The following ACTL8 variants were observed in gnomAD, a reference collection of about 807,000 sequenced individuals.
The protein encoded by ACTL8 is actin-like protein 8.
A neutral mutation model predicts 9.3 loss-of-function variants in ACTL8; 3 were observed. The observed-to-expected ratio is 0.32, with a 90% CI of 0.15 to 0.83. The LOEUF (loss-of-function observed/expected upper bound fraction) is 0.83. ACTL8 is among the 40% of genes least tolerant of loss of function. The probability of loss-of-function intolerance (pLI) is 0.57; values close to 1 mark genes in which losing one functional copy is unlikely to be tolerated. For synonymous variants in ACTL8, 224 were observed against 205.9 expected (o/e 1.09, Z -0.75); for missense variants, 381 against 492.2 (o/e 0.77, Z 2.14).
intron 1 of ACTL8, among the ~76,000 whole-genome samples, chr1:17,793,418 G>A (rs1052841816): frequency 3.3e-5 from 5 of 152,174 alleles, no homozygotes; most frequent in African/African-American, 1.2e-4. Context: ...GTAAAACCAG[G>A]ATATGGTTTT....
Position 17,785,196 on chromosome 1 carries a change from T to A in ACTL8, c.-25+29692T>A, listed in dbSNP as rs916213006. Among the ~76,000 whole-genome samples, 8 of 152,334 alleles carry A rather than the reference T, an allele frequency of 5.3e-5. No homozygotes were observed. In the East Asian group the frequency reaches 5.8e-4, roughly 11 times the overall value. On this transcript the variant is annotated intron_variant, in intron 1 of 2. Coordinates refer to ENST00000375406, the MANE Select transcript of ACTL8 (RefSeq NM_030812.3). ...TCAGGTACCCAGAAGAGCCAGTCTA[T>A]ATGATTGTTGGGCTACTTACTAGTT...
intron 1 of ACTL8, among the ~76,000 whole-genome samples, chr1:17,800,038 T>C (rs1332317389): frequency 6.6e-6 from 1 of 152,244 alleles, no homozygotes; most frequent in Non-Finnish European, 1.5e-5. Flanking sequence ...AGTTTTGCTC[T>C]TCTTTTTCAT....
intron 1 of ACTL8, among the ~76,000 whole-genome samples, chr1:17,770,523 G>C (rs1008389043): frequency 1.3e-5 from 2 of 152,160 alleles, no homozygotes; most frequent in Admixed American, 6.5e-5. Flanking sequence ...GAGGGTGTTC[G>C]TGGATTAGTT....
At chr1:17,788,210 C>A (rs937668823) in intron 1 of ACTL8, among the ~76,000 whole-genome samples, 2 of 152,170 alleles carry the variant, frequency 1.3e-5, no homozygotes, top group African/African-American at 2.4e-5. Context: ...TTTATGATAT[C>A]CTTTGCTATG....
chr1:17,822,330 C>T (rs944593821), intron 1 of ACTL8, among the ~76,000 whole-genome samples: 17 of 152,122 alleles, frequency 1.1e-4, no homozygotes, highest in African/African-American at 4.1e-4. Flanking sequence ...TAAATGAGTC[C>T]ATGTATCAAG....
intron 1 of ACTL8, among the ~76,000 whole-genome samples, chr1:17,796,952 C>G (rs1255403326): frequency 6.6e-6 from 1 of 152,224 alleles, no homozygotes. Flanking sequence ...GAAGTCTGCT[C>G]TCTGCTCTGG....
At chr1:17,799,279 G>C (rs913488058) in intron 1 of ACTL8, among the ~76,000 whole-genome samples, 4 of 152,182 alleles carry the variant, frequency 2.6e-5, no homozygotes, top group African/African-American at 7.2e-5. Context: ...ATCTGTGCCA[G>C]CACCTGTTGG....
intron 1 of ACTL8, among the ~76,000 whole-genome samples, chr1:17,772,058 G>A (rs1977251): frequency 0.1 from 15,921 of 152,082 alleles, 1,686 homozygotes; most frequent in East Asian, 0.28. Context: ...GCTAACCTTC[G>A]CTGTGGACCT....
At chr1:17,780,946 A>G (rs1216659404) in intron 1 of ACTL8, among the ~76,000 whole-genome samples, 2 of 152,178 alleles carry the variant, frequency 1.3e-5, no homozygotes, top group Admixed American at 6.5e-5. Context: ...TTTGGTTGCC[A>G]TAACAAATGA....
At chr1:17,806,088 T>C (rs578101524) in intron 1 of ACTL8, among the ~76,000 whole-genome samples, 1 of 152,348 alleles carries the variant, frequency 6.6e-6, no homozygotes, top group East Asian at 1.9e-4. Context: ...GCCAGGATCT[T>C]ATTAGCCCTG....
chr1:17,787,424 C>T (rs1014843125), intron 1 of ACTL8, among the ~76,000 whole-genome samples: 2 of 152,128 alleles, frequency 1.3e-5, no homozygotes, highest in Admixed American at 1.3e-4. Flanking sequence ...CCACCACGCC[C>T]AGCTAAATTT....
intron 1 of ACTL8, among the ~76,000 whole-genome samples, chr1:17,816,184 C>G (rs1177833209): frequency 1.3e-5 from 2 of 149,512 alleles, no homozygotes; most frequent in Admixed American, 6.8e-5. Context: ...TGCAATAGAA[C>G]TCAAAATATT....
At chr1:17,757,551 C>G (rs1364995735) in intron 1 of ACTL8, among the ~76,000 whole-genome samples, 1 of 124,106 alleles carries the variant, frequency 8.1e-6, no homozygotes, top group Non-Finnish European at 1.6e-5. Context: ...ACTGCTTTTT[C>G]TCTGTTAAGA....
intron 1 of ACTL8, among the ~76,000 whole-genome samples, chr1:17,791,550 C>T (rs2066239398): frequency 6.6e-6 from 1 of 152,214 alleles, no homozygotes; most frequent in Non-Finnish European, 1.5e-5. Context: ...CTGGTGGTGG[C>T]TCTGAGGTCT....
intron 1 of ACTL8, among the ~76,000 whole-genome samples, chr1:17,768,350 G>A (rs1361148813): frequency 6.6e-6 from 1 of 152,204 alleles, no homozygotes; most frequent in Non-Finnish European, 1.5e-5. Context: ...GCCTGGCCTG[G>A]CAGTGTGCAG....
intron 1 of ACTL8, among the ~76,000 whole-genome samples, chr1:17,795,023 T>C (rs1428566390): frequency 1.3e-5 from 2 of 152,238 alleles, no homozygotes; most frequent in Admixed American, 1.3e-4. Flanking sequence ...ATGAGAGGCT[T>C]AAACAATCCA....
chr1:17,762,785 C>A (rs921024125), intron 1 of ACTL8, among the ~76,000 whole-genome samples: 3 of 152,112 alleles, frequency 2.0e-5, no homozygotes, highest in African/African-American at 7.2e-5. Context: ...AGGCCTTGTT[C>A]CCCGGTGACT....
chr1:17,821,596 C>T (rs1038455418), intron 1 of ACTL8, among the ~76,000 whole-genome samples: 19 of 151,760 alleles, frequency 1.3e-4, no homozygotes, highest in African/African-American at 4.6e-4. Flanking sequence ...TATTTCTGGA[C>T]TTTCTGTTCC....
intron 1 of ACTL8, among the ~76,000 whole-genome samples, chr1:17,806,431 C>T (rs761500796): frequency 2.6e-5 from 4 of 152,220 alleles, no homozygotes; most frequent in Admixed American, 6.5e-5. Flanking sequence ...GTACAGCCCT[C>T]CCTGAACCCG....
Sources: gnomAD v4.1 joint callset for allele counts (sites outside exome capture counted in the v4.1 genomes callset) on GRCh38, gnomAD v4.1.1 for gene constraint, MANE v1.5 for transcripts, NCBI Gene and HGNC (gene_info 2026-07-23, HGNC 2026-07-21) for gene names.